The following MYT1 variants were observed in gnomAD, a reference collection of about 807,000 sequenced individuals.
The protein encoded by MYT1 is myelin transcription factor I.
MYT1 carries 23 observed loss-of-function variants against 123.0 expected under a neutral mutation model. That is an observed-to-expected ratio of 0.19 (90% confidence interval 0.13 to 0.26). The LOEUF (loss-of-function observed/expected upper bound fraction) is 0.26, where lower values mean the gene tolerates loss of function less well. Ranked by LOEUF, MYT1 falls within the 10% of genes least tolerant of loss-of-function variation. The pLI is 1.00. For synonymous variants in MYT1, 518 were observed against 575.3 expected, an observed-to-expected ratio of 0.90 and a Z score of 1.43; for missense variants, 1,125 against 1,472.5, an observed-to-expected ratio of 0.76 and a Z score of 3.86.
In MYT1 at chr20:64,168,018, A is replaced by C. The variant is rs1385243180; in HGVS notation, c.-99+3279A>C. ...CCCATCCCCGCTCCAGGACAGCCCC[A>C]CTGGGGAGCCCACTGCCCAGCCCGG... On this transcript the variant is annotated intron_variant, in intron 1 of 22. Coordinates refer to ENST00000328439, the MANE Select transcript of MYT1 (RefSeq NM_004535.3). This position sits in a 1 kb window ranked among gnomAD's most constrained non-coding sequence, Gnocchi z 6.1. 6.6e-6 allele frequency among the ~76,000 whole-genome samples: 1 copy of C among 152,134 alleles called. No homozygotes were observed. Among genetic ancestry groups the C allele is most frequent in the Non-Finnish European group, 1.5e-5 (1 of 67,992 alleles).
At chr20:64,180,757 G>A (rs201914376) in intron 1 of MYT1, among the ~76,000 whole-genome samples, 6 of 152,150 alleles carry the variant, frequency 3.9e-5, no homozygotes, top group Non-Finnish European at 7.3e-5. Context: ...CCTTTGTAGC[G>A]TTGAGCGTTA....
At chr20:64,204,169 A>C (rs1182175205) in intron 4 of MYT1, among the ~76,000 whole-genome samples, 1 of 152,194 alleles carries the variant, frequency 6.6e-6, no homozygotes. Context: ...TTTGTGCCTG[A>C]GGCTGCTGTG....
At position 64,193,569 on chromosome 20, in the gene MYT1, C is replaced by T. The variant is rs1182351966; in HGVS notation, c.-1+3409C>T. ...CCAGACCATGGCTCTGTCTTTCTCC[C>T]CTCCCCTCACTGCAGAGAAGTGAGA... On this transcript the variant is annotated intron_variant, in intron 2 of 22. Transcript: ENST00000328439. This position sits in a 1 kb window ranked among gnomAD's most constrained non-coding sequence, Gnocchi z 4.0. Among the ~76,000 whole-genome samples, 1 of 152,036 alleles carries T rather than the reference C, an allele frequency of 6.6e-6. No homozygotes were observed. Among genetic ancestry groups the T allele is most frequent in the Non-Finnish European group, 1.5e-5 (1 of 67,996 alleles).
chr20:64,236,766 C>A, intron 20 of MYT1, 120 bp downstream of exon 20: 1 of 823,666 alleles, frequency 1.2e-6, no homozygotes. Flanking sequence ...TGGAATGAGT[C>A]ACGGCAGAGG....
chr20:64,241,810 T>C lies in MYT1; in HGVS notation c.*1362T>C, dbSNP rs1984724870. ...ATTTTTTATATATTTTGTTATTTAT[T>C]CTTTTAATAATGGAATTTTTTTAAA... is the stretch of plus-strand genomic sequence containing the variant. On this transcript the variant is annotated 3_prime_UTR_variant, in exon 23 of 23. Transcript: ENST00000328439. This position sits in a 1 kb window ranked among gnomAD's most constrained non-coding sequence, Gnocchi z 4.2. The C allele has an allele frequency of 6.6e-6, 1 of 152,644 alleles. No individual in the cohort carries two copies. The highest frequency in any genetic ancestry group is 2.4e-5 in the African/African-American group (1 of 41,474). 9.5% of individuals were successfully genotyped at this position (152,644 alleles called of 1,614,324 possible).
chr20:64,221,583 G>A (rs1000699204), intron 13 of MYT1, among the ~76,000 whole-genome samples: 9 of 152,352 alleles, frequency 5.9e-5, no homozygotes, highest in African/African-American at 2.2e-4. Context: ...TTTACGCTGC[G>A]GAGTGATGTG....
intron 19 of MYT1, among the ~76,000 whole-genome samples, chr20:64,235,804 CTGGCTGT>C (rs1984512130): frequency 3.2e-5 from 1 of 31,068 alleles, no homozygotes; most frequent in Non-Finnish European, 6.1e-5. Flanking sequence ...TGACACTGGG[CTGGCTGT>C]GGTGGGTGAC....
At chr20:64,227,501 C>A in intron 17 of MYT1, 24 bp downstream of exon 17, 1 of 1,608,496 alleles carries the variant, frequency 6.2e-7, no homozygotes, top group Non-Finnish European at 8.5e-7. Flanking sequence ...ACCCTCAGGT[C>A]CTGGGCCCCA....
intron 13 of MYT1, 82 bp from the exon 14 acceptor site, chr20:64,221,811 G>A: frequency 1.4e-6 from 2 of 1,441,526 alleles, no homozygotes; most frequent in Non-Finnish European, 1.9e-6. Context: ...GTCCTGAAGG[G>A]TCCCTCTCCC....
chr20:64,223,710 G>A (rs917149115), intron 16 of MYT1, among the ~76,000 whole-genome samples: 1 of 152,136 alleles, frequency 6.6e-6, no homozygotes, highest in African/African-American at 2.4e-5. Context: ...AGAGATTTGG[G>A]AAAAGCCCAG....
rs1000489433 is a variant in MYT1, at chr20:64,219,009, A to C, written c.1945A>C (p.Thr649Pro). ...RCWEMPENLSTKPQDLPSKSV... is the reference protein window; with the variant it reads ...RCWEMPENLSPKPQDLPSKSV... The stretch of plus-strand genomic sequence containing the variant: ...CTGGGAGATGCCTGAGAACCTCAGC[A>C]CGAAGCCACAGGACCTCCCCAGCAA... Residue 649 changes from threonine (T) to proline (P), a missense_variant, in exon 12 of 23, where the codon ACG becomes CCG. By Grantham distance (38) the Thr-to-Pro change is conservative. Around this residue, in one of 4 missense-constraint regions of MYT1, gnomAD observed 429 missense variants for 604.1 expected, o/e 0.71. Transcript: ENST00000328439. 16 of 1,613,520 alleles carry C rather than the reference A, an allele frequency of 9.9e-6. No individual in the cohort carries two copies. Among genetic ancestry groups the C allele is most frequent in the Non-Finnish European group, 1.4e-5 (16 of 1,179,968 alleles).
chr20:64,230,647 C>T (rs1379644743), intron 18 of MYT1, among the ~76,000 whole-genome samples: 1 of 152,244 alleles, frequency 6.6e-6, no homozygotes, highest in Non-Finnish European at 1.5e-5. Context: ...CCCCCAGGGT[C>T]CCATGGCTGG....
At chr20:64,194,972 C>T (rs956712844) in intron 2 of MYT1, among the ~76,000 whole-genome samples, 3 of 151,822 alleles carry the variant, frequency 2.0e-5, no homozygotes, top group Admixed American at 6.5e-5. Flanking sequence ...CTCAGCTCAC[C>T]TCAACCTTTG....
At chr20:64,223,427 C>G in intron 16 of MYT1, 68 bp downstream of exon 16, 1 of 1,558,198 alleles carries the variant, frequency 6.4e-7, no homozygotes, top group Non-Finnish European at 8.8e-7. Flanking sequence ...TTCCATGAGG[C>G]TCCTGCCAAA....
rs760906136 is a variant in MYT1, at chr20:64,236,618, C to G, written c.2961C>G (p.Val987=). 1 of 1,613,698 alleles carries G rather than the reference C, an allele frequency of 6.2e-7. No individual in the cohort carries two copies. Among genetic ancestry groups the G allele is most frequent in the Non-Finnish European group, 8.5e-7 (1 of 1,179,832 alleles). Residue 987 remains valine (V), a synonymous_variant, in exon 20 of 23, where the codon GTC becomes GTG. Transcript: ENST00000328439. ...GKKGKLSGDE[V]LSPKFKTSDV... is the part of the protein sequence containing the mutation. ...AGGGAAAACTGTCAGGGGATGAGGT[C>G]CTCAGTCCAAAGTTCAAGACTAGCG... is the stretch of plus-strand genomic sequence containing the variant.
In MYT1 at chr20:64,202,670, T is replaced by C. The variant is rs2145712540; in HGVS notation, c.87-2365T>C. Among the ~76,000 whole-genome samples the C allele has an allele frequency of 1.3e-5, 2 of 152,202 alleles. No homozygotes were observed. The highest frequency in any genetic ancestry group is 3.4e-3 in the Middle Eastern group (1 of 294). On this transcript the variant is annotated intron_variant, in intron 4 of 22. Coordinates refer to ENST00000328439, the MANE Select transcript of MYT1 (RefSeq NM_004535.3). This position sits in a 1 kb window ranked among gnomAD's most constrained non-coding sequence, Gnocchi z 5.0. ...CATGGGGCTCCAGGCTGGGATTCAG[T>C]TCCTCTCCTGACTTGTCTCCTTTGA...
intron 20 of MYT1, 62 bp downstream of exon 20, chr20:64,236,708 G>T: frequency 7.0e-7 from 1 of 1,431,946 alleles, no homozygotes; most frequent in Non-Finnish European, 9.8e-7. Context: ...TGAGAGCTGT[G>T]CACCTTTTGT....
rs1983569251 is a variant in MYT1, at chr20:64,208,496, CA to C, written c.1291+10del. ...GAGTTACTACAGTAAAGGTAGGGCT[CA>C]GGGGTGGCCTGGCCCTGCAGACTCA... On this transcript the variant is annotated intron_variant, in intron 7 of 22. Transcript: ENST00000328439. The surrounding 1 kb of genome is among the most constrained non-coding windows in gnomAD (Gnocchi z 5.4). The C allele has an allele frequency of 6.3e-7, 1 of 1,578,112 alleles. No homozygotes were observed. The highest frequency in any genetic ancestry group is 1.7e-5 in the Admixed American group (1 of 57,748).
chr20:64,195,932 G>A (rs559543567), intron 2 of MYT1, among the ~76,000 whole-genome samples: 81 of 152,156 alleles, frequency 5.3e-4, no homozygotes, highest in African/African-American at 1.5e-3. Flanking sequence ...TTTTCCTATC[G>A]AAGGCAGAAC....
Sources: allele counts gnomAD v4.1 joint callset (sites outside exome capture counted in the v4.1 genomes callset), GRCh38; gene constraint gnomAD v4.1.1; regional missense constraint gnomAD v4.1.1; non-coding constraint Gnocchi (gnomAD v3.1); transcripts MANE v1.5; gene names NCBI Gene and HGNC (gene_info 2026-07-23, HGNC 2026-07-21).